The following ITGBL1 variants were observed in gnomAD, a reference collection of about 807,000 sequenced individuals.
ITGBL1 encodes the protein integrin subunit beta like 1.
In ITGBL1, 51 loss-of-function variants were observed where a neutral mutation model predicts 68.5. The observed-to-expected ratio is 0.74, with a 90% CI of 0.59 to 0.94. The LOEUF is 0.94. ITGBL1 is among the 40% of genes least tolerant of loss of function. The pLI is 0.00. For missense variants in ITGBL1, 649 were observed against 647.4 expected (o/e 1.00, Z -0.03); for synonymous variants, 209 against 227.3 (o/e 0.92, Z 0.72).
intron 7 of ITGBL1, among the ~76,000 whole-genome samples, chr13:101,605,134 A>G (rs889267040): frequency 6.9e-6 from 1 of 144,060 alleles, no homozygotes; most frequent in Non-Finnish European, 1.5e-5. Context: ...ACATGTGTAT[A>G]TGTGTATATA....
At chr13:101,471,554 GTGTGTGTGTGTGTGTA>G (rs2048460688) in intron 2 of ITGBL1, among the ~76,000 whole-genome samples, 2 of 140,416 alleles carry the variant, frequency 1.4e-5, no homozygotes, top group African/African-American at 5.4e-5. Flanking sequence ...GTGTGTGTGT[GTGTGTGTGTGTGTGTA>G]TATATATTTC....
At chr13:101,646,166 C>T (rs1246929177) in intron 7 of ITGBL1, among the ~76,000 whole-genome samples, 3 of 152,154 alleles carry the variant, frequency 2.0e-5, no homozygotes, top group Admixed American at 6.5e-5. Context: ...ACTGCAAGCA[C>T]CATTTTGAGG....
chr13:101,703,467 A>C (rs2034182558), intron 8 of ITGBL1, among the ~76,000 whole-genome samples: 1 of 152,274 alleles, frequency 6.6e-6, no homozygotes, highest in East Asian at 1.9e-4. Flanking sequence ...CTAAAACATA[A>C]CAAAGGCTAG....
At chr13:101,476,218 A>G (rs1043362798) in intron 2 of ITGBL1, among the ~76,000 whole-genome samples, 5 of 152,152 alleles carry the variant, frequency 3.3e-5, no homozygotes, top group African/African-American at 1.2e-4. Flanking sequence ...TAGAGTTTTC[A>G]TTAGTTTTCT....
intron 2 of ITGBL1, among the ~76,000 whole-genome samples, chr13:101,555,188 A>G (rs996468970): frequency 3.9e-5 from 6 of 152,222 alleles, no homozygotes; most frequent in African/African-American, 1.2e-4. Context: ...AGCTTTGCAA[A>G]TCTAAGCTTA....
chr13:101,582,687 T>C (rs1172081640), intron 5 of ITGBL1, among the ~76,000 whole-genome samples: 1 of 152,186 alleles, frequency 6.6e-6, no homozygotes, highest in Non-Finnish European at 1.5e-5. Flanking sequence ...CAGTCTTTTT[T>C]TCTTGACTTT....
intron 2 of ITGBL1, among the ~76,000 whole-genome samples, chr13:101,558,408 A>C (rs1018475812): frequency 6.6e-6 from 1 of 152,192 alleles, no homozygotes; most frequent in African/African-American, 2.4e-5. Flanking sequence ...CTCAGTCCCC[A>C]CCATTAGGCA....
chr13:101,674,660 C>G (rs780184687), intron 7 of ITGBL1, among the ~76,000 whole-genome samples: 27 of 151,790 alleles, frequency 1.8e-4, no homozygotes, highest in Non-Finnish European at 3.5e-4. Context: ...TAAAGCAACC[C>G]TCTATTCCTT....
chr13:101,554,976 A>G (rs754566759), intron 2 of ITGBL1, among the ~76,000 whole-genome samples: 1 of 152,198 alleles, frequency 6.6e-6, no homozygotes. Flanking sequence ...ATGAGTTGTA[A>G]CATCTCTTGA....
In ITGBL1 at chr13:101,498,894, A is replaced by G. The variant is rs190143052; in HGVS notation, c.316+44794A>G. 2.6e-5 allele frequency among the ~76,000 whole-genome samples: 4 copies of G among 152,286 alleles called. No individual in the cohort carries two copies. In the East Asian group the frequency reaches 7.7e-4, roughly 29 times the overall value. On this transcript the variant is annotated intron_variant, in intron 2 of 10. Coordinates refer to ENST00000376180, the MANE Select transcript of ITGBL1 (RefSeq NM_004791.3). Reference sequence around the variant, plus strand: ...GGGGAGGCCTCGCAGTCATGGTGGAAGAGAAAAGGCACGTCTTACATGGCA... The same window carrying G: ...GGGGAGGCCTCGCAGTCATGGTGGAGGAGAAAAGGCACGTCTTACATGGCA...
intron 2 of ITGBL1, among the ~76,000 whole-genome samples, chr13:101,544,763 C>G (rs570027787): frequency 1.1e-4 from 16 of 152,332 alleles, no homozygotes; most frequent in African/African-American, 3.6e-4. Context: ...GCGGGCACCC[C>G]TCCCCGAGCC....
chr13:101,547,065 C>T (rs1425724701), intron 2 of ITGBL1, among the ~76,000 whole-genome samples: 1 of 151,244 alleles, frequency 6.6e-6, no homozygotes, highest in African/African-American at 2.4e-5. Context: ...AAAAGTCAAA[C>T]CCAGACTGCA....
chr13:101,604,877 T>TACACAC (rs1298257111), intron 7 of ITGBL1, among the ~76,000 whole-genome samples: 8 of 21,690 alleles, frequency 3.7e-4, no homozygotes, highest in Non-Finnish European at 7.5e-4. Context: ...TATATATATA[T>TACACAC]ATATATATAT....
rs927339533 is a variant in ITGBL1 at position 101,715,987 on chromosome 13, G to C, written c.*333G>C. ...GTAGGAAGGTATGCTGCAGACATTT[G>C]GTGGGTAGAGGCCAGGGATGCTGCT... On this transcript the variant is annotated 3_prime_UTR_variant, in exon 11 of 11. Transcript: ENST00000376180. 3.7e-6 allele frequency: 1 copy of C among 272,858 alleles called. No individual in the cohort carries two copies. The allele number at this position is 272,858 out of a possible 1,614,324, so 16.9% of individuals were successfully genotyped here.
chr13:101,598,203 G>T lies in ITGBL1; in HGVS notation c.919G>T (p.Gly307Trp), dbSNP rs763196114. The change falls in exon 7 of 11, where the codon GGG becomes TGG. Residue 307 changes from glycine to tryptophan, a missense_variant. Coordinates refer to ENST00000376180, the MANE Select transcript of ITGBL1 (RefSeq NM_004791.3). ...ATGTGACTGCAAAGCAGGCTGGTAT[G>T]GGAAGAAGTGTGAGCACCCACAGTC... ...GRCDCKAGWY[G>W]KKCEHPQSCT... The T allele has an allele frequency of 1.2e-6, 2 of 1,613,776 alleles. No individual in the cohort carries two copies. Among genetic ancestry groups the T allele is most frequent in the Admixed American group, 3.3e-5 (2 of 59,962 alleles).
Position 101,598,316 on chromosome 13 carries a change from A to G in ITGBL1, c.1015+17A>G, listed in dbSNP as rs2030115268. ...CTGGGAGGGGTAAGTGAGGTCTCTC[A>G]GGGCTTCCCACGGCCTCTCCATCAC... On this transcript the variant is annotated intron_variant, in intron 7 of 10. Coordinates refer to ENST00000376180, the MANE Select transcript of ITGBL1 (RefSeq NM_004791.3). 6.4e-7 allele frequency: 1 copy of G among 1,572,322 alleles called. No individual in the cohort carries two copies. The highest frequency in any genetic ancestry group is 8.6e-7 in the Non-Finnish European group (1 of 1,160,522).
intron 2 of ITGBL1, among the ~76,000 whole-genome samples, chr13:101,522,784 G>C (rs1308263523): frequency 3.9e-5 from 6 of 152,132 alleles, no homozygotes; most frequent in Admixed American, 3.9e-4. Context: ...AGTCAGATTT[G>C]AGGAGCTTTA....
At chr13:101,537,768 C>G (rs1425434310) in intron 2 of ITGBL1, among the ~76,000 whole-genome samples, 2 of 151,928 alleles carry the variant, frequency 1.3e-5, no homozygotes, top group Admixed American at 1.3e-4. Flanking sequence ...TTAGAATGAA[C>G]TTTACAGGTA....
intron 8 of ITGBL1, among the ~76,000 whole-genome samples, chr13:101,698,277 G>A (rs1043587623): frequency 1.3e-5 from 2 of 152,070 alleles, no homozygotes; most frequent in African/African-American, 4.8e-5. Flanking sequence ...AAATAAGTAA[G>A]ATAAAAAACA....
Sources: gnomAD v4.1 joint callset for allele counts (sites outside exome capture counted in the v4.1 genomes callset) on GRCh38, gnomAD v4.1.1 for gene constraint, MANE v1.5 for transcripts, NCBI Gene and HGNC (gene_info 2026-07-23, HGNC 2026-07-21) for gene names.